SIPA1L3: variants seen among roughly 807,000 people sequenced by gnomAD.
SIPA1L3 encodes signal-induced proliferation-associated 1-like protein 3.
Under a neutral mutation model 150.1 loss-of-function variants are expected in SIPA1L3, and 59 were observed. That is an observed-to-expected ratio of 0.39 (90% CI 0.32 to 0.49). The LOEUF is 0.49. SIPA1L3 is among the 20% of genes least tolerant of loss of function. SIPA1L3 has a pLI of 0.86. For missense variants in SIPA1L3, 2,211 were observed against 2,489.5 expected, an observed-to-expected ratio of 0.89 and a Z score of 2.38; for synonymous variants, 1,070 against 1,077.6, an observed-to-expected ratio of 0.99 and a Z score of 0.14.
chr19:38,110,392 C>G lies in SIPA1L3; in HGVS notation c.2291+8C>G. On this transcript the variant is annotated splice_region_variant and intron_variant, in intron 8 of 21. Coordinates refer to ENST00000222345, the MANE Select transcript of SIPA1L3 (RefSeq NM_015073.3). ...TGATAACGTCTGTTACAGGTATGCC[C>G]CCCACACCCGGCCCCCAGCAGCGTA... 6.2e-7 allele frequency: 1 copy of G among 1,608,874 alleles called. No homozygotes were observed. The highest frequency in any genetic ancestry group is 1.1e-5 in the South Asian group (1 of 90,872).
intron 9 of SIPA1L3, among the ~76,000 whole-genome samples, chr19:38,126,538 ATTCTT>A (rs925615522): frequency 5.3e-5 from 8 of 150,130 alleles, no homozygotes; most frequent in Non-Finnish European, 4.4e-5. Context: ...GCCCAAGACA[ATTCTT>A]TTTTTTTTTC....
Position 38,182,528 on chromosome 19 carries a change from C to T in SIPA1L3, c.4218C>T (p.Gly1406=), listed in dbSNP as rs1371093851. 6.2e-7 allele frequency: 1 copy of T among 1,607,852 alleles called. No homozygotes were observed. Among genetic ancestry groups the T allele is most frequent in the Non-Finnish European group, 8.5e-7 (1 of 1,176,536 alleles). Residue 1406 remains glycine, a synonymous_variant, in exon 16 of 22, where the codon GGC becomes GGT. Transcript: ENST00000222345. ...CATTTTTGCTTTGCAGTGACATGGG[C>T]TCGAGGGTTGGCTACCCCGCTCAGG... is the stretch of plus-strand genomic sequence containing the variant. ...RDPPRQPSDM[G]SRVGYPAQVY... is the part of the protein sequence containing the mutation.
In SIPA1L3 at chr19:38,047,634, G is replaced by A. The variant is rs535863047; in HGVS notation, c.-311+18478G>A. Among the ~76,000 whole-genome samples the A allele has an allele frequency of 2.0e-5, 3 of 152,284 alleles. No individual in the cohort carries two copies. The highest frequency in any genetic ancestry group is 3.9e-4 in the East Asian group (2 of 5,180). ...GTAGAGCGATGATTGAACCCGGGCC[G>A]GGCTGACCCCAGAGCGCACGCTCCT... On this transcript the variant is annotated intron_variant, in intron 2 of 21. Coordinates refer to ENST00000222345, the MANE Select transcript of SIPA1L3 (RefSeq NM_015073.3). This position sits in a 1 kb window ranked among gnomAD's most constrained non-coding sequence, Gnocchi z 4.7.
At chr19:38,013,115 C>G (rs833918) in intron 1 of SIPA1L3, among the ~76,000 whole-genome samples, 39,298 of 152,040 alleles carry the variant, frequency 0.26, 5,558 homozygotes, top group African/African-American at 0.37. Flanking sequence ...TCTGAGCTCC[C>G]GTTGCCTCCT....
intron 13 of SIPA1L3, among the ~76,000 whole-genome samples, chr19:38,156,754 G>A (rs1476260197): frequency 6.6e-6 from 1 of 152,168 alleles, no homozygotes; most frequent in Non-Finnish European, 1.5e-5. Context: ...GAACCCGGGA[G>A]ACAGAGGTTG....
intron 1 of SIPA1L3, among the ~76,000 whole-genome samples, chr19:37,938,466 CTT>C (rs1008887472): frequency 6.6e-6 from 1 of 152,112 alleles, no homozygotes; most frequent in African/African-American, 2.4e-5. Flanking sequence ...TTTTGTAAAA[CTT>C]TTTTACTTTT....
chr19:38,193,926 T>G (rs1972862902), intron 18 of SIPA1L3, 146 bp downstream of exon 18: 2 of 944,210 alleles, frequency 2.1e-6, no homozygotes, highest in East Asian at 6.4e-5. Context: ...TCACAGGAAC[T>G]TCGGGGGGCC....
In SIPA1L3 at chr19:37,969,730, C is replaced by T. The variant is rs111671181; in HGVS notation, c.-378-59359C>T. Among the ~76,000 whole-genome samples the T allele has an allele frequency of 7.6e-3, 1,162 of 152,246 alleles. 5 individuals carry two copies. The highest frequency in any genetic ancestry group is 0.013 in the Non-Finnish European group (882 of 68,022). Reference sequence around the variant, plus strand: ...CCTTTGTGTGTGCCCTTCCCTATGCCTGAAATGCTTTTCCTGACTGCTTGT... The same window carrying T: ...CCTTTGTGTGTGCCCTTCCCTATGCTTGAAATGCTTTTCCTGACTGCTTGT... On this transcript the variant is annotated intron_variant, in intron 1 of 21. Transcript: ENST00000222345.
chr19:38,100,446 T>A (rs529238928), intron 5 of SIPA1L3, among the ~76,000 whole-genome samples: 1 of 152,200 alleles, frequency 6.6e-6, no homozygotes, highest in South Asian at 2.1e-4. Context: ...TCCTCCCCGC[T>A]CCACATGCTG....
At chr19:38,122,113 C>T (rs920097823) in intron 9 of SIPA1L3, among the ~76,000 whole-genome samples, 10 of 151,728 alleles carry the variant, frequency 6.6e-5, no homozygotes, top group East Asian at 1.9e-4. Flanking sequence ...CCCAGCTACT[C>T]GGGAGGCCGA....
chr19:38,168,022 C>A (rs1972247330), intron 15 of SIPA1L3, among the ~76,000 whole-genome samples: 1 of 152,140 alleles, frequency 6.6e-6, no homozygotes, highest in African/African-American at 2.4e-5. Flanking sequence ...TTGGATGAGG[C>A]CTCCCCACCG....
At chr19:38,198,745 G>A (rs555903319) in intron 19 of SIPA1L3, among the ~76,000 whole-genome samples, 7 of 152,336 alleles carry the variant, frequency 4.6e-5, no homozygotes, top group Admixed American at 2.0e-4. Flanking sequence ...ACCAACAAGC[G>A]GAAGTGACCA....
chr19:38,202,908 G>A (rs929968184), intron 20 of SIPA1L3, among the ~76,000 whole-genome samples: 4 of 152,156 alleles, frequency 2.6e-5, no homozygotes, highest in Admixed American at 1.3e-4. Context: ...CACATTCAGC[G>A]CAGCATATTT....
chr19:38,085,125 A>G (rs533952339), intron 3 of SIPA1L3, among the ~76,000 whole-genome samples: 1 of 152,132 alleles, frequency 6.6e-6, no homozygotes, highest in South Asian at 2.1e-4. Flanking sequence ...ACAAATGAAG[A>G]TGATTATATC....
intron 1 of SIPA1L3, among the ~76,000 whole-genome samples, chr19:37,910,530 GAAAAAA>G (rs571813302): frequency 9.6e-6 from 1 of 104,004 alleles, no homozygotes. Flanking sequence ...CCCTGTCTCA[GAAAAAA>G]AAAAAAAAAA....
At chr19:38,199,479 G>A (rs1283693247) in intron 19 of SIPA1L3, among the ~76,000 whole-genome samples, 5 of 152,218 alleles carry the variant, frequency 3.3e-5, no homozygotes, top group African/African-American at 7.2e-5. Context: ...GGAGCTGTGC[G>A]CCCCATGTGA....
Position 38,081,345 on chromosome 19 carries a change from C to A in SIPA1L3, c.-221C>A, listed in dbSNP as rs1301061772. On this transcript the variant is annotated 5_prime_UTR_variant, in exon 3 of 22. Transcript: ENST00000222345. ...CGCTACTGAGCCACTCGGTCTGGAG[C>A]CCCCAGGACAGCACCTGCTTCCTGA... 2.5e-5 allele frequency: 13 copies of A among 517,372 alleles called. No individual in the cohort carries two copies. Among genetic ancestry groups the A allele is most frequent in the Non-Finnish European group, 4.1e-5 (12 of 293,904 alleles). 32.0% of individuals were successfully genotyped at this position (517,372 alleles called of 1,614,324 possible). A position where few individuals can be genotyped will look rare whatever the true frequency, so the allele number is the denominator to read the frequency against.
intron 4 of SIPA1L3, among the ~76,000 whole-genome samples, chr19:38,097,763 G>T (rs1390226379): frequency 6.6e-6 from 1 of 152,186 alleles, no homozygotes; most frequent in Non-Finnish European, 1.5e-5. Context: ...CACCCATGTT[G>T]GTCAAGCTGG....
intron 1 of SIPA1L3, among the ~76,000 whole-genome samples, chr19:38,012,068 C>T (rs1472228235): frequency 6.6e-6 from 1 of 150,502 alleles, no homozygotes; most frequent in Non-Finnish European, 1.5e-5. Flanking sequence ...TGCATGAATG[C>T]ACATCCTTGC....
Sources: gnomAD v4.1 joint callset for allele counts (sites outside exome capture counted in the v4.1 genomes callset) on GRCh38, gnomAD v4.1.1 for gene constraint, Gnocchi (gnomAD v3.1) non-coding constraint, MANE v1.5 for transcripts, NCBI Gene and HGNC (gene_info 2026-07-23, HGNC 2026-07-21) for gene names.